Variants in NCKAP5 observed in about 807,000 individuals in gnomAD.
The protein encoded by NCKAP5 is nck-associated protein 5.
Under a neutral mutation model 167.0 loss-of-function variants are expected in NCKAP5, and 92 were observed. The ratio of observed to expected loss-of-function variants is 0.55; its 90% CI spans 0.47 to 0.66. NCKAP5 has a LOEUF of 0.66. NCKAP5 is among the 30% of genes least tolerant of loss of function. NCKAP5 has a pLI of 0.00. For synonymous variants in NCKAP5, 891 were observed against 877.4 expected (o/e 1.02, Z -0.27); for missense variants, 2,378 against 2,315.0 (o/e 1.03, Z -0.56).
intron 8 of NCKAP5, among the ~76,000 whole-genome samples, chr2:132,904,303 A>C (rs1389101986): frequency 6.6e-6 from 1 of 150,760 alleles, no homozygotes; most frequent in Non-Finnish European, 1.5e-5. Flanking sequence ...AATAAATAAA[A>C]ATTAAATAAA....
intron 3 of NCKAP5, among the ~76,000 whole-genome samples, chr2:133,376,406 C>A (rs995576162): frequency 9.2e-5 from 14 of 152,200 alleles, no homozygotes; most frequent in Non-Finnish European, 1.2e-4. Context: ...CCTTCTCCCC[C>A]GTTTGCCCGA....
rs60051493 is a variant in NCKAP5, at chr2:133,558,704, C to CA, written c.-62+345dup. Among the ~76,000 whole-genome samples the CA allele has an allele frequency of 3.9e-3, 196 of 50,838 alleles. 14 individuals carry two copies. The highest frequency in any genetic ancestry group is 5.1e-3 in the Non-Finnish European group (152 of 29,816). The allele number at this position is 50,838 out of a possible 152,430, so 33.4% of individuals were successfully genotyped here. ...ACATAAACAGATGCAATGTGCTGAG[C>CA]AAAAAAAAAAAAAAAAAAAAAAGCC... On this transcript the variant is annotated intron_variant, in intron 2 of 19. Transcript: ENST00000409261.
intron 11 of NCKAP5, among the ~76,000 whole-genome samples, chr2:132,825,475 T>A (rs1280940894): frequency 1.3e-5 from 2 of 152,210 alleles, no homozygotes; most frequent in Non-Finnish European, 2.9e-5. Flanking sequence ...GAGTGTCTGA[T>A]TTTTATCTCT....
intron 13 of NCKAP5, among the ~76,000 whole-genome samples, chr2:132,789,650 A>G (rs1683886516): frequency 6.6e-6 from 1 of 152,242 alleles, no homozygotes; most frequent in Non-Finnish European, 1.5e-5. Context: ...ACATCAGTGT[A>G]CAAAGACGTC....
intron 5 of NCKAP5, among the ~76,000 whole-genome samples, chr2:133,205,844 T>C (rs1166021997): frequency 1.3e-5 from 2 of 152,128 alleles, no homozygotes; most frequent in African/African-American, 4.8e-5. Context: ...CTATATGCCT[T>C]TTTTACTATT....
intron 3 of NCKAP5, among the ~76,000 whole-genome samples, chr2:133,443,093 A>T (rs1440854875): frequency 6.6e-6 from 1 of 152,214 alleles, no homozygotes; most frequent in Non-Finnish European, 1.5e-5. Flanking sequence ...CAAAAACGAA[A>T]CCTAAAACTA....
In NCKAP5 at chr2:133,165,437, T is replaced by A. The variant is rs143146136; in HGVS notation, c.208-35326A>T. Among the ~76,000 whole-genome samples the A allele has an allele frequency of 2.8e-3, 425 of 152,240 alleles. 2 individuals carry two copies. The highest frequency in any genetic ancestry group is 1.0e-2 in the African/African-American group (415 of 41,540). On this transcript the variant is annotated intron_variant, in intron 5 of 19. Transcript: ENST00000409261. ...TATTCAGTATTGTTTATAGAAGCAA[T>A]CCAAATTTCTATTAGGGGAATGGCT...
chr2:133,339,286 T>G (rs988268803), intron 3 of NCKAP5, among the ~76,000 whole-genome samples: 3 of 152,184 alleles, frequency 2.0e-5, no homozygotes, highest in Non-Finnish European at 2.9e-5. Context: ...ATGGAACTTT[T>G]TCTCTTTTGA....
chr2:133,032,394 G>A (rs1447298077), intron 6 of NCKAP5, among the ~76,000 whole-genome samples: 1 of 152,248 alleles, frequency 6.6e-6, no homozygotes, highest in Non-Finnish European at 1.5e-5. Context: ...AGAAGAGGGA[G>A]GAATGAGAAG....
chr2:133,619,205 A>T, the NCKAP5 span, among the ~76,000 whole-genome samples: 1 of 145,526 alleles, frequency 6.9e-6, no homozygotes, highest in East Asian at 2.0e-4. Flanking sequence ...ACCTAATGCT[A>T]GATGACGAGT....
chr2:133,368,514 C>A (rs540113822), intron 3 of NCKAP5, among the ~76,000 whole-genome samples: 3 of 152,004 alleles, frequency 2.0e-5, no homozygotes, highest in South Asian at 4.1e-4. Flanking sequence ...CAATTATTAG[C>A]GGTTCACATG....
chr2:132,999,214 A>G (rs2077700736), intron 6 of NCKAP5, among the ~76,000 whole-genome samples: 2 of 152,240 alleles, frequency 1.3e-5, no homozygotes. Flanking sequence ...GGTACACACT[A>G]TGTAATCAAT....
upstream of NCKAP5, among the ~76,000 whole-genome samples, chr2:133,572,735 G>A (rs1351814234): frequency 1.3e-5 from 2 of 152,166 alleles, no homozygotes; most frequent in African/African-American, 4.8e-5. Flanking sequence ...GGAAGCACAG[G>A]AAATTTTAGA....
At position 133,272,876 on chromosome 2, in the gene NCKAP5, T is replaced by C. The variant is rs1300491353; in HGVS notation, c.143+30161A>G. ...CAAGTTTTGTCCATGTTGTAGCACG[T>C]ATTGGTGCTTCATTCCTTATTTCCA... On this transcript the variant is annotated intron_variant, in intron 4 of 19. Coordinates refer to ENST00000409261, the MANE Select transcript of NCKAP5 (RefSeq NM_207363.3). Among the ~76,000 whole-genome samples, 5 of 152,216 alleles carry C rather than the reference T, an allele frequency of 3.3e-5. 1 individual carries two copies. In the South Asian group the frequency reaches 8.3e-4, roughly 25 times the overall value.
At chr2:133,599,428 C>T in the NCKAP5 span, among the ~76,000 whole-genome samples, 1 of 152,152 alleles carries the variant, frequency 6.6e-6, no homozygotes, top group African/African-American at 2.4e-5. Context: ...TACAGGATTG[C>T]ACAAGGAAGT....
chr2:133,001,135 C>CA (rs1232524814), intron 6 of NCKAP5, among the ~76,000 whole-genome samples: 2 of 149,342 alleles, frequency 1.3e-5, no homozygotes, highest in Admixed American at 6.7e-5. Flanking sequence ...TAAATTTTAT[C>CA]AAAAAAAGAG....
intron 19 of NCKAP5, among the ~76,000 whole-genome samples, chr2:132,723,264 G>A (rs1226367106): frequency 6.7e-6 from 1 of 150,222 alleles, no homozygotes; most frequent in East Asian, 2.0e-4. Flanking sequence ...TCCTGCCTCA[G>A]AGTAGCTGAG....
intron 1 of NCKAP5, among the ~76,000 whole-genome samples, chr2:133,564,015 T>TC (rs1267849926): frequency 6.6e-6 from 1 of 152,010 alleles, no homozygotes; most frequent in Non-Finnish European, 1.5e-5. Flanking sequence ...GCACCTGTAA[T>TC]CACAGCTAAC....
At chr2:133,517,975 C>T (rs1360917188) in intron 2 of NCKAP5, among the ~76,000 whole-genome samples, 1 of 152,110 alleles carries the variant, frequency 6.6e-6, no homozygotes, top group Non-Finnish European at 1.5e-5. Context: ...CCGACAAAAC[C>T]ACGCTCTATA....
Sources: allele counts gnomAD v4.1 joint callset (sites outside exome capture counted in the v4.1 genomes callset), GRCh38; gene constraint gnomAD v4.1.1; transcripts MANE v1.5; gene names NCBI Gene and HGNC (gene_info 2026-07-23, HGNC 2026-07-21).